Variants in CEP120 observed in about 807,000 individuals in gnomAD.
The protein encoded by CEP120 is centrosomal protein 120, also known as centrosomal protein of 120 kDa.
Under a neutral mutation model 126.5 loss-of-function variants are expected in CEP120, and 113 were observed. That is an observed-to-expected ratio of 0.89 (90% confidence interval 0.77 to 1.04). CEP120 has a LOEUF of 1.04. Ranked by LOEUF, CEP120 falls within the 50% of genes least tolerant of loss-of-function variation. CEP120 has a pLI of 0.00. For synonymous variants in CEP120, 400 were observed against 394.3 expected (o/e 1.01, Z -0.17); for missense variants, 1,230 against 1,155.7 (o/e 1.06, Z -0.93).
rs1226218781 is a variant in CEP120, at chr5:123,364,614, T to C, written c.2482-20A>G. ...TTCAACCTAACAGTGATTAAAATCATATCAAGTGAAACACTATACCACTGT... is the reference window on the plus strand; with the variant it reads ...TTCAACCTAACAGTGATTAAAATCACATCAAGTGAAACACTATACCACTGT... On this transcript the variant is annotated intron_variant, in intron 17 of 19. Coordinates refer to ENST00000306467, the MANE Select transcript of CEP120 (RefSeq NM_001375405.1). 1 of 1,475,234 alleles carries C rather than the reference T, an allele frequency of 6.8e-7. No homozygotes were observed. Among genetic ancestry groups the C allele is most frequent in the Non-Finnish European group, 9.4e-7 (1 of 1,062,218 alleles). 91.4% of individuals were successfully genotyped at this position (1,475,234 alleles called of 1,614,324 possible).
At chr5:123,400,759 G>T (rs182548475) in intron 4 of CEP120, among the ~76,000 whole-genome samples, 4 of 150,998 alleles carry the variant, frequency 2.6e-5, no homozygotes, top group East Asian at 3.9e-4. Flanking sequence ...ATGGGCAAAG[G>T]GGGGGTCCCC....
chr5:123,370,679 G>A (rs1037233793), intron 17 of CEP120, among the ~76,000 whole-genome samples: 4 of 92,260 alleles, frequency 4.3e-5, no homozygotes, highest in East Asian at 5.4e-4. Context: ...ATATGTGTGT[G>A]TGTGTGTATA....
At chr5:123,350,646 A>G (rs1330211051) in intron 18 of CEP120, among the ~76,000 whole-genome samples, 1 of 152,216 alleles carries the variant, frequency 6.6e-6, no homozygotes, top group African/African-American at 2.4e-5. Flanking sequence ...GAAAAATTCA[A>G]TAACTGTCCC....
chr5:123,349,351 A>G (rs2126964004), intron 19 of CEP120, among the ~76,000 whole-genome samples: 1 of 151,950 alleles, frequency 6.6e-6, no homozygotes, highest in Non-Finnish European at 1.5e-5. Context: ...TGAAGATTTA[A>G]AAAAAAAGGG....
chr5:123,351,638 T>G (rs548736975), intron 18 of CEP120, among the ~76,000 whole-genome samples: 1 of 152,184 alleles, frequency 6.6e-6, no homozygotes, highest in Non-Finnish European at 1.5e-5. Flanking sequence ...TTTGAAATAT[T>G]TGCATATACA....
At chr5:123,420,244 A>G (rs1412178806) in intron 1 of CEP120, among the ~76,000 whole-genome samples, 2 of 152,220 alleles carry the variant, frequency 1.3e-5, no homozygotes, top group African/African-American at 2.4e-5. Flanking sequence ...TTTCCATATT[A>G]TTATAACTAG....
chr5:123,382,792 G>A lies in CEP120; in HGVS notation c.1958C>T (p.Ala653Val). ...CTTCCACATTTCTAGCTCAAGTGCT[G>A]CTTTGTATTCTAACGTTTCACGAGG... Reference protein sequence around the residue: ...TEPRETLEYKAALELEMWKEM... With the variant: ...TEPRETLEYKVALELEMWKEM... The change falls in exon 13 of 20, where the codon GCA (alanine) becomes GTA (valine). Residue 653 changes from alanine (A) to valine (V), a missense_variant. Transcript: ENST00000306467. 1 of 1,613,368 alleles carries A rather than the reference G, an allele frequency of 6.2e-7. No individual in the cohort carries two copies. Among genetic ancestry groups the A allele is most frequent in the Non-Finnish European group, 8.5e-7 (1 of 1,179,634 alleles).
Position 123,423,039 on chromosome 5 carries a change from A to G in CEP120, c.-41T>C. 6.3e-7 allele frequency: 1 copy of G among 1,575,378 alleles called. No individual in the cohort carries two copies. The highest frequency in any genetic ancestry group is 8.7e-7 in the Non-Finnish European group (1 of 1,145,666). On this transcript the variant is annotated 5_prime_UTR_variant, in exon 1 of 20. Coordinates refer to ENST00000306467, the MANE Select transcript of CEP120 (RefSeq NM_001375405.1). ...TCCGGGGGCGAAGGCGGCTGGGGGG[A>G]AGTGAGGTCCAGTTGAGTCGCGGGT...
chr5:123,386,424 G>T, intron 10 of CEP120, 94 bp downstream of exon 10: 1 of 911,278 alleles, frequency 1.1e-6, no homozygotes, highest in Non-Finnish European at 1.5e-6. Context: ...AACTGCTATG[G>T]ATTTAAACCT....
intron 3 of CEP120, among the ~76,000 whole-genome samples, chr5:123,413,212 C>T (rs1437180096): frequency 6.6e-6 from 1 of 151,478 alleles, no homozygotes; most frequent in Non-Finnish European, 1.5e-5. Context: ...ATCAAAGCTG[C>T]AGTGAGCCAT....
intron 18 of CEP120, among the ~76,000 whole-genome samples, chr5:123,353,000 T>C (rs1215888540): frequency 1.3e-5 from 2 of 152,056 alleles, no homozygotes; most frequent in Non-Finnish European, 2.9e-5. Context: ...AACTCACTTA[T>C]TCCTAATAGG....
rs1296641781 is a variant in CEP120, at chr5:123,422,822, G to T, written c.49+128C>A. The T allele has an allele frequency of 3.0e-5, 27 of 910,540 alleles. No individual in the cohort carries two copies. The Middle Eastern group carries it at 6.7e-4, about 23-fold the overall frequency. 56.4% of individuals were successfully genotyped at this position (910,540 alleles called of 1,614,324 possible). On this transcript the variant is annotated intron_variant, in intron 1 of 19. Coordinates refer to ENST00000306467, the MANE Select transcript of CEP120 (RefSeq NM_001375405.1). Reference sequence around the variant, plus strand: ...AACAGACCTCACTACGTACAACTTTGAACAAGTCTGTGGGGACCACAAAAG... The same window carrying T: ...AACAGACCTCACTACGTACAACTTTTAACAAGTCTGTGGGGACCACAAAAG...
chr5:123,423,336 G>GCCGCGCCCAGCTT lies in CEP120; in HGVS notation c.-351_-339dup. On this transcript the variant is annotated 5_prime_UTR_variant, in exon 1 of 20. Coordinates refer to ENST00000306467, the MANE Select transcript of CEP120 (RefSeq NM_001375405.1). ...CGCCCGGGCGGCCGCAGCGGCCGCC[G>GCCGCGCCCAGCTT]CCGCGCCCAGCTTCCGCCTAGCAAC... is the stretch of plus-strand genomic sequence containing the variant. 1 of 347,156 alleles carries GCCGCGCCCAGCTT rather than the reference G, an allele frequency of 2.9e-6. No homozygotes were observed. The highest frequency in any genetic ancestry group is 4.6e-5 in the Admixed American group (1 of 21,630). 21.5% of individuals were successfully genotyped at this position (347,156 alleles called of 1,614,324 possible).
In CEP120 at chr5:123,346,675, A is replaced by G. The variant is rs745647148; in HGVS notation, c.2805T>C (p.Ser935=). ...AATCATCCAAACCTTCTTCCAATAC[A>G]CTGCCATGGGGGCCATCCTTTTTTC... ...ASGKKDGPHG[S]VLEEGLDDYL... Residue 935 remains serine, a synonymous_variant, in exon 20 of 20, where the codon AGT becomes AGC. Coordinates refer to ENST00000306467, the MANE Select transcript of CEP120 (RefSeq NM_001375405.1). The G allele has an allele frequency of 5.6e-6, 9 of 1,613,804 alleles. No individual in the cohort carries two copies. The highest frequency in any genetic ancestry group is 1.7e-4 in the Middle Eastern group (1 of 6,058).
chr5:123,382,980 A>G lies in CEP120; in HGVS notation c.1860+6T>C. On this transcript the variant is annotated splice_donor_region_variant and intron_variant, in intron 12 of 19. Transcript: ENST00000306467. ...AAAAAATTTGATAACATTCAATTAT[A>G]TTTACCTGAGATGAATCAGAGATAA... 6.3e-7 allele frequency: 1 copy of G among 1,596,990 alleles called. No homozygotes were observed. The highest frequency in any genetic ancestry group is 8.6e-7 in the Non-Finnish European group (1 of 1,169,094).
chr5:123,379,846 T>G (rs1196011523), intron 14 of CEP120, among the ~76,000 whole-genome samples: 1 of 152,158 alleles, frequency 6.6e-6, no homozygotes, highest in Non-Finnish European at 1.5e-5. Context: ...GGAATACCCT[T>G]TGAGTCTACC....
chr5:123,345,878 A>G lies in CEP120; in HGVS notation c.*641T>C, dbSNP rs949602675. Reference sequence around the variant, plus strand: ...GAAAACTATATTAAGCTAATACTTCATGTTCTTAAAAGTTATAAATACACT... The same window carrying G: ...GAAAACTATATTAAGCTAATACTTCGTGTTCTTAAAAGTTATAAATACACT... On this transcript the variant is annotated 3_prime_UTR_variant, in exon 20 of 20. Transcript: ENST00000306467. 1 of 152,196 alleles carries G rather than the reference A, an allele frequency of 6.6e-6. No homozygotes were observed. The highest frequency in any genetic ancestry group is 2.4e-5 in the African/African-American group (1 of 41,462). 9.4% of individuals were successfully genotyped at this position (152,196 alleles called of 1,614,324 possible). A position where few individuals can be genotyped will look rare whatever the true frequency, so the allele number is the denominator to read the frequency against.
In CEP120 at chr5:123,378,440, T is replaced by TAAAAAAAAAAAAA. The variant is rs76942218; in HGVS notation, c.2104-25_2104-13dup. Reference sequence around the variant, plus strand: ...GTATATTCAGCCACCTAAAATATAGTAAAAAAAAAAAAAAAAAAGTTACCT... The same window carrying TAAAAAAAAAAAAA: ...GTATATTCAGCCACCTAAAATATAGTAAAAAAAAAAAAAAAAAAAAAAAAAAAAAAAGTTACCT... On this transcript the variant is annotated splice_polypyrimidine_tract_variant and intron_variant, in intron 14 of 19. Coordinates refer to ENST00000306467, the MANE Select transcript of CEP120 (RefSeq NM_001375405.1). 1 of 989,248 alleles carries TAAAAAAAAAAAAA rather than the reference T, an allele frequency of 1.0e-6. No homozygotes were observed. Among genetic ancestry groups the TAAAAAAAAAAAAA allele is most frequent in the African/African-American group, 2.1e-5 (1 of 47,836 alleles). 61.3% of individuals were successfully genotyped at this position (989,248 alleles called of 1,614,324 possible). A position where few individuals can be genotyped will look rare whatever the true frequency, so the allele number is the denominator to read the frequency against.
intron 5 of CEP120, among the ~76,000 whole-genome samples, chr5:123,398,371 T>C (rs1190294967): frequency 6.6e-6 from 1 of 152,174 alleles, no homozygotes; most frequent in East Asian, 1.9e-4. Context: ...ATGGCAAGAC[T>C]GCAAGGCCCA....
Sources: allele counts gnomAD v4.1 joint callset (sites outside exome capture counted in the v4.1 genomes callset), GRCh38; gene constraint gnomAD v4.1.1; transcripts MANE v1.5; gene names NCBI Gene and HGNC (gene_info 2026-07-23, HGNC 2026-07-21).